Variants in MPP7 observed in about 807,000 individuals in gnomAD.
MPP7 encodes the protein MAGUK p55 subfamily member 7.
MPP7 carries 60 observed loss-of-function variants against 76.5 expected under a neutral mutation model. The observed-to-expected ratio is 0.78, with a 90% CI of 0.64 to 0.97. The LOEUF (loss-of-function observed/expected upper bound fraction) is 0.97, where lower values mean the gene tolerates loss of function less well. Ranked by LOEUF, MPP7 falls within the 50% of genes least tolerant of loss-of-function variation. The pLI is 0.00. For missense variants in MPP7, 641 were observed against 694.0 expected, an observed-to-expected ratio of 0.92 and a Z score of 0.86; for synonymous variants, 237 against 244.5, an observed-to-expected ratio of 0.97 and a Z score of 0.29.
intron 13 of MPP7, among the ~76,000 whole-genome samples, chr10:28,065,247 C>T (rs553023724): frequency 2.6e-5 from 4 of 152,146 alleles, no homozygotes; most frequent in Non-Finnish European, 5.9e-5. Context: ...CCCTGACACA[C>T]GGCATCCCAC....
chr10:28,248,538 AAT>A (rs922820492), intron 1 of MPP7, among the ~76,000 whole-genome samples: 1 of 152,106 alleles, frequency 6.6e-6, no homozygotes, highest in African/African-American at 2.4e-5. Context: ...AATTCCACTT[AAT>A]GATCTTTGCC....
chr10:28,080,012 A>T (rs1327575096), intron 12 of MPP7, among the ~76,000 whole-genome samples: 1 of 141,062 alleles, frequency 7.1e-6, no homozygotes, highest in East Asian at 2.5e-4. Flanking sequence ...ATCCCAGCGG[A>T]AGAATGGCTC....
At chr10:28,159,289 T>TAGTTTCTTAAAATTCACTG (rs1437028717) in intron 3 of MPP7, among the ~76,000 whole-genome samples, 1 of 152,226 alleles carries the variant, frequency 6.6e-6, no homozygotes, top group Non-Finnish European at 1.5e-5. Context: ...GAACTCGTCT[T>TAGTTTCTTAAAATTCACTG]AGTTTCTTAA....
At chr10:28,300,651 AT>A (rs1471894114) in intron 1 of MPP7, among the ~76,000 whole-genome samples, 2 of 152,148 alleles carry the variant, frequency 1.3e-5, no homozygotes, top group Non-Finnish European at 2.9e-5. Context: ...TAACTTCATG[AT>A]TAGAACAGTT....
At chr10:28,276,267 G>A (rs1019753399) in intron 1 of MPP7, among the ~76,000 whole-genome samples, 1 of 151,962 alleles carries the variant, frequency 6.6e-6, no homozygotes, top group Non-Finnish European at 1.5e-5. Flanking sequence ...CTGACCTCAG[G>A]TGATCCACCC....
chr10:28,247,035 C>T (rs925703434), intron 1 of MPP7, among the ~76,000 whole-genome samples: 6 of 152,024 alleles, frequency 3.9e-5, no homozygotes, highest in African/African-American at 1.2e-4. Flanking sequence ...TACAACATAG[C>T]CCATTATGAC....
At chr10:28,245,506 G>T (rs748689426) in intron 1 of MPP7, among the ~76,000 whole-genome samples, 6 of 152,084 alleles carry the variant, frequency 3.9e-5, no homozygotes, top group Non-Finnish European at 8.8e-5. Flanking sequence ...CACAGATTTT[G>T]AAATCAGACA....
intron 2 of MPP7, among the ~76,000 whole-genome samples, chr10:28,229,895 A>AAAAAAAC (rs1554854437): frequency 9.3e-5 from 14 of 150,356 alleles, no homozygotes; most frequent in East Asian, 5.9e-4. Flanking sequence ...TCTCAAAAAA[A>AAAAAAAC]AAAAACAAAA....
chr10:28,316,680 GAT>G (rs1188408248), intron 2 of MPP7, among the ~76,000 whole-genome samples: 2 of 152,108 alleles, frequency 1.3e-5, no homozygotes, highest in African/African-American at 4.8e-5. Flanking sequence ...TTAAACAGAT[GAT>G]ATATACGTAT....
In MPP7 at chr10:28,126,819, G is replaced by A. The variant is rs373528315; in HGVS notation, c.448-1728C>T. On this transcript the variant is annotated intron_variant, in intron 6 of 16. Coordinates refer to ENST00000683449, the MANE Select transcript of MPP7 (RefSeq NM_001318170.2). ...GCCTCTTGAAACACTTGCTCTATGC[G>A]AATCTCACTGCCATGTAAGAAATCA... 4.6e-5 allele frequency among the ~76,000 whole-genome samples: 7 copies of A among 152,238 alleles called. No individual in the cohort carries two copies. The South Asian group carries it at 8.3e-4, about 18-fold the overall frequency.
chr10:28,084,928 A>G (rs10763639), intron 12 of MPP7, among the ~76,000 whole-genome samples: 46,513 of 151,982 alleles, frequency 0.31, 8,773 homozygotes, highest in East Asian at 0.88. Flanking sequence ...CACCAAGCCT[A>G]TTGAACTGAC....
intron 2 of MPP7, among the ~76,000 whole-genome samples, chr10:28,221,730 T>C (rs1044860283): frequency 1.3e-5 from 2 of 152,148 alleles, no homozygotes; most frequent in African/African-American, 4.8e-5. Flanking sequence ...AAAATATATA[T>C]ACCTTAGGTA....
At chr10:28,174,103 C>A (rs1250221729) in intron 3 of MPP7, among the ~76,000 whole-genome samples, 2 of 152,142 alleles carry the variant, frequency 1.3e-5, no homozygotes, top group Non-Finnish European at 2.9e-5. Context: ...AAAGTGGCTT[C>A]AAAAACAAAA....
chr10:28,262,642 T>C (rs2132957847), intron 1 of MPP7, among the ~76,000 whole-genome samples: 1 of 152,250 alleles, frequency 6.6e-6, no homozygotes, highest in East Asian at 1.9e-4. Flanking sequence ...CATTCGCTAG[T>C]TACACAAAAA....
intron 2 of MPP7, among the ~76,000 whole-genome samples, chr10:28,205,050 G>A (rs1400148761): frequency 1.3e-5 from 2 of 152,108 alleles, no homozygotes; most frequent in African/African-American, 4.8e-5. Flanking sequence ...CTAGTTTTAT[G>A]TAATCCTAAC....
chr10:28,089,796 G>T lies in MPP7; in HGVS notation c.998C>A (p.Thr333Lys). ...CTTGCATTCATACATGGATTTATTT[G>T]TTTTCTTATCTTTTCTACTAAGACG... is the stretch of plus-strand genomic sequence containing the variant. The part of the protein sequence containing the change: ...SFRLSRKDKK[T>K]NKSMYECKKS... The change falls in exon 12 of 17, where the codon ACA becomes AAA. Residue 333 changes from threonine to lysine, a missense_variant. By Grantham distance (78) the Thr-to-Lys change is moderately conservative. Transcript: ENST00000683449. 1 of 1,592,546 alleles carries T rather than the reference G, an allele frequency of 6.3e-7. No homozygotes were observed. The highest frequency in any genetic ancestry group is 8.6e-7 in the Non-Finnish European group (1 of 1,163,270).
intron 3 of MPP7, among the ~76,000 whole-genome samples, chr10:28,157,386 C>T (rs541936316): frequency 6.6e-6 from 1 of 152,268 alleles, no homozygotes; most frequent in African/African-American, 2.4e-5. Context: ...AGGAAGCTCA[C>T]ATAATTTTGA....
rs1229521955 is a variant in MPP7 at position 28,089,708 on chromosome 10, T to G, written c.1086A>C (p.Arg362=). 1 of 1,613,806 alleles carries G rather than the reference T, an allele frequency of 6.2e-7. No individual in the cohort carries two copies. Among genetic ancestry groups the G allele is most frequent in the South Asian group, 1.1e-5 (1 of 91,006 alleles). The change falls in exon 12 of 17, where the codon CGA becomes CGC. Residue 362 remains arginine, a synonymous_variant. Transcript: ENST00000683449. ...PTYEEVTPYR[R]QTNEKYRLVV... ...CGAGTCTGTATTTTTCATTAGTTTG[T>G]CGCCGATACGGTGTCACTTCTTCGT...
intron 11 of MPP7, chr10:28,118,500 TC>T (rs1414379189): frequency 1.0e-6 from 1 of 985,204 alleles, no homozygotes; most frequent in African/African-American, 1.7e-5. Context: ...TATTTAAAAA[TC>T]CCTTTGAGAG....
Sources: gnomAD v4.1 joint callset for allele counts (sites outside exome capture counted in the v4.1 genomes callset) on GRCh38, gnomAD v4.1.1 for gene constraint, MANE v1.5 for transcripts, NCBI Gene and HGNC (gene_info 2026-07-23, HGNC 2026-07-21) for gene names.